SULF1: variants seen among roughly 807,000 people sequenced by gnomAD.
SULF1 encodes the protein extracellular sulfatase Sulf-1.
Under a neutral mutation model 110.5 loss-of-function variants are expected in SULF1, and 46 were observed. The observed-to-expected ratio is 0.42, with a 90% CI of 0.33 to 0.53. SULF1 has a LOEUF of 0.53. SULF1 is among the 20% of genes least tolerant of loss of function. SULF1 has a pLI of 0.12. For synonymous variants in SULF1, 371 were observed against 387.1 expected, an observed-to-expected ratio of 0.96 and a Z score of 0.49; for missense variants, 941 against 1,094.2, an observed-to-expected ratio of 0.86 and a Z score of 1.98.
intron 3 of SULF1, among the ~76,000 whole-genome samples, chr8:69,519,265 T>C (rs888681329): frequency 1.3e-5 from 2 of 152,216 alleles, no homozygotes; most frequent in Non-Finnish European, 2.9e-5. Flanking sequence ...GACTCATTCA[T>C]CTCTGCATTC....
chr8:69,592,773 G>T, intron 8 of SULF1: 1 of 220,558 alleles, frequency 4.5e-6, no homozygotes, highest in Non-Finnish European at 7.7e-6. Flanking sequence ...ACCTACAAAA[G>T]GGCAATTTCA....
intron 3 of SULF1, among the ~76,000 whole-genome samples, chr8:69,520,355 T>C (rs915052856): frequency 6.6e-6 from 1 of 152,178 alleles, no homozygotes; most frequent in African/African-American, 2.4e-5. Flanking sequence ...GTGAATGAGA[T>C]GTCAACTCTG....
At chr8:69,601,012 G>A (rs1807758625) in intron 9 of SULF1, among the ~76,000 whole-genome samples, 1 of 131,260 alleles carries the variant, frequency 7.6e-6, no homozygotes, top group African/African-American at 3.0e-5. Flanking sequence ...GTAGATCAGG[G>A]GCCACATCCT....
intron 3 of SULF1, among the ~76,000 whole-genome samples, chr8:69,549,906 G>C (rs1249312935): frequency 6.6e-6 from 1 of 151,998 alleles, no homozygotes; most frequent in Non-Finnish European, 1.5e-5. Context: ...CTCTCACCCA[G>C]CAACAACTCT....
chr8:69,476,531 C>T (rs1233134809), intron 1 of SULF1, among the ~76,000 whole-genome samples: 8 of 152,136 alleles, frequency 5.3e-5, no homozygotes, highest in Admixed American at 5.2e-4. Context: ...TGAAATGTAG[C>T]CCTGTTACTG....
chr8:69,479,820 C>T (rs1809441750), intron 1 of SULF1, among the ~76,000 whole-genome samples: 1 of 152,124 alleles, frequency 6.6e-6, no homozygotes, highest in Non-Finnish European at 1.5e-5. Flanking sequence ...CTTTATCTTT[C>T]TAAAAAGTAT....
intron 1 of SULF1, among the ~76,000 whole-genome samples, chr8:69,487,834 G>T (rs1208005838): frequency 6.6e-6 from 1 of 152,148 alleles, no homozygotes; most frequent in Non-Finnish European, 1.5e-5. Flanking sequence ...TCTTCATGCT[G>T]TTTATAAAAC....
In SULF1 at chr8:69,576,685, A is replaced by C. The variant is rs61296552; in HGVS notation, c.412+476A>C. Among the ~76,000 whole-genome samples, 415 of 152,288 alleles carry C rather than the reference A, an allele frequency of 2.7e-3. 1 individual carries two copies. Among genetic ancestry groups the C allele is most frequent in the African/African-American group, 9.6e-3 (398 of 41,546 alleles). ...CATCATGCCAGTCTTTCTGAGAAAA[A>C]AGCAAGGTTCCTTCTGGTAATATTA... On this transcript the variant is annotated intron_variant, in intron 6 of 22. Coordinates refer to ENST00000402687, the MANE Select transcript of SULF1 (RefSeq NM_001128205.2).
At chr8:69,534,723 C>A (rs1489387923) in intron 3 of SULF1, among the ~76,000 whole-genome samples, 2 of 151,942 alleles carry the variant, frequency 1.3e-5, no homozygotes, top group Non-Finnish European at 2.9e-5. Context: ...TATTTGAAGG[C>A]AATTTGAGAA....
chr8:69,496,263 C>T (rs1406661924), intron 2 of SULF1, among the ~76,000 whole-genome samples: 1 of 152,220 alleles, frequency 6.6e-6, no homozygotes, highest in African/African-American at 2.4e-5. Flanking sequence ...GGTACGTGAA[C>T]TGTATCAACA....
At chr8:69,506,164 G>A (rs1255868201) in intron 3 of SULF1, among the ~76,000 whole-genome samples, 2 of 151,922 alleles carry the variant, frequency 1.3e-5, no homozygotes, top group Admixed American at 1.3e-4. Context: ...TGTGCATTGT[G>A]TTCCATTACA....
At chr8:69,547,970 A>G (rs1021862260) in intron 3 of SULF1, among the ~76,000 whole-genome samples, 2 of 152,170 alleles carry the variant, frequency 1.3e-5, no homozygotes, top group African/African-American at 4.8e-5. Context: ...ATCCAGCTCA[A>G]TCTTCTCTAA....
intron 3 of SULF1, among the ~76,000 whole-genome samples, chr8:69,531,101 G>A (rs965902274): frequency 4.6e-5 from 7 of 152,150 alleles, no homozygotes; most frequent in African/African-American, 1.7e-4. Context: ...TATTTGGGAT[G>A]TAAATCCAGA....
At chr8:69,581,717 C>T (rs867650240) in intron 6 of SULF1, among the ~76,000 whole-genome samples, 5 of 152,318 alleles carry the variant, frequency 3.3e-5, no homozygotes, top group Admixed American at 6.5e-5. Flanking sequence ...AGATTTAATA[C>T]ATCTGGAGGA....
intron 3 of SULF1, among the ~76,000 whole-genome samples, chr8:69,511,359 A>T (rs756966131): frequency 1.5e-4 from 23 of 152,170 alleles, no homozygotes; most frequent in Admixed American, 3.3e-4. Context: ...ATAACAACTA[A>T]TAATCACGAA....
intron 6 of SULF1, among the ~76,000 whole-genome samples, chr8:69,578,774 G>A (rs1467602135): frequency 1.3e-5 from 2 of 152,062 alleles, no homozygotes; most frequent in Non-Finnish European, 2.9e-5. Context: ...CCAGGGTTTA[G>A]ACACTTAGGT....
chr8:69,638,347 G>T, intron 19 of SULF1, 155 bp from the exon 20 acceptor site: 1 of 852,054 alleles, frequency 1.2e-6, no homozygotes. Flanking sequence ...CCTACGGGGG[G>T]AAAGGTATTA....
intron 13 of SULF1, 28 bp from the exon 14 acceptor site, chr8:69,621,007 T>G: frequency 1.9e-6 from 3 of 1,570,450 alleles, no homozygotes; most frequent in South Asian, 1.1e-5. Context: ...GCAGAATCGG[T>G]AAACTGCTTT....
chr8:69,490,258 A>G (rs1013068386), upstream of SULF1, among the ~76,000 whole-genome samples: 2 of 151,350 alleles, frequency 1.3e-5, no homozygotes, highest in African/African-American at 4.9e-5. Context: ...ATGCGCCACC[A>G]CACCTGGCTA....
Sources: allele counts gnomAD v4.1 joint callset (sites outside exome capture counted in the v4.1 genomes callset), GRCh38; gene constraint gnomAD v4.1.1; transcripts MANE v1.5; gene names NCBI Gene and HGNC (gene_info 2026-07-23, HGNC 2026-07-21).